TTC39C: variants seen among roughly 807,000 people sequenced by gnomAD.
TTC39C encodes the protein tetratricopeptide repeat domain 39C.
Under a neutral mutation model 76.3 loss-of-function variants are expected in TTC39C, and 33 were observed. That is an observed-to-expected ratio of 0.43 (90% CI 0.33 to 0.58). TTC39C has a LOEUF of 0.58. Among genes scored for constraint, TTC39C ranks in the 20% least tolerant of loss-of-function variants. The pLI is 0.04. For synonymous variants in TTC39C, 254 were observed against 260.6 expected (o/e 0.97, Z 0.24); for missense variants, 595 against 701.4 (o/e 0.85, Z 1.71).
In TTC39C at chr18:24,066,059, T is replaced by C; in HGVS notation, c.264T>C (p.Asp88=). 2 of 1,600,004 alleles carry C rather than the reference T, an allele frequency of 1.3e-6. No homozygotes were observed. Among genetic ancestry groups the C allele is most frequent in the Non-Finnish European group, 1.7e-6 (2 of 1,176,544 alleles). ...AAGAAAAAATGCAGTTGGCATGTGA[T>C]GACTTAAAAACCACAGAAAAACTGT... The part of the protein sequence containing the change: ...FEEEKMQLAC[D]DLKTTEKLCE... The change falls in exon 3 of 14, where the codon GAT becomes GAC. Residue 88 remains aspartate (D), a synonymous_variant. Transcript: ENST00000317571.
chr18:24,042,851 G>A (rs996488188), intron 1 of TTC39C, among the ~76,000 whole-genome samples: 6 of 152,056 alleles, frequency 3.9e-5, no homozygotes, highest in Admixed American at 6.6e-5. Flanking sequence ...TTAGGGTCCC[G>A]GGGTTTTTTC....
At chr18:24,031,238 G>A (rs374750593) in intron 1 of TTC39C, among the ~76,000 whole-genome samples, 2 of 149,738 alleles carry the variant, frequency 1.3e-5, no homozygotes, top group South Asian at 2.1e-4. Flanking sequence ...GATTACAGGC[G>A]TGAGCCACTG....
intron 1 of TTC39C, chr18:24,022,538 C>T (rs764819211): frequency 3.0e-6 from 3 of 984,942 alleles, no homozygotes; most frequent in Non-Finnish European, 3.6e-6. Flanking sequence ...ACCTCTCTTA[C>T]AGAACTTCTA....
intron 12 of TTC39C, 47 bp from the exon 13 acceptor site, chr18:24,131,835 C>CGT (rs1568449442): frequency 1.4e-5 from 22 of 1,552,914 alleles, no homozygotes; most frequent in Non-Finnish European, 1.8e-5. Flanking sequence ...TTTCTGCCTG[C>CGT]GTATATATAA....
At chr18:24,046,894 G>A (rs2083892387) in intron 1 of TTC39C, among the ~76,000 whole-genome samples, 2 of 151,590 alleles carry the variant, frequency 1.3e-5, no homozygotes, top group East Asian at 1.9e-4. Flanking sequence ...ACATTTAAAC[G>A]TATTTTATTT....
intron 1 of TTC39C, among the ~76,000 whole-genome samples, chr18:24,055,955 A>G (rs2084010721): frequency 6.6e-6 from 1 of 152,230 alleles, no homozygotes; most frequent in Non-Finnish European, 1.5e-5. Context: ...AAGATGAAAT[A>G]CCAAACCAGT....
intron 1 of TTC39C, among the ~76,000 whole-genome samples, chr18:23,995,583 T>C (rs1353286454): frequency 6.6e-6 from 1 of 152,206 alleles, no homozygotes; most frequent in Non-Finnish European, 1.5e-5. Flanking sequence ...AGTTCATTCC[T>C]TTTTATTGCT....
chr18:24,113,126 G>A (rs2084837650), intron 6 of TTC39C, among the ~76,000 whole-genome samples: 1 of 152,160 alleles, frequency 6.6e-6, no homozygotes, highest in African/African-American at 2.4e-5. Flanking sequence ...TGTCTTCTGT[G>A]GCTACCTGGT....
At chr18:24,083,432 T>C (rs994962807) in intron 6 of TTC39C, among the ~76,000 whole-genome samples, 3 of 152,226 alleles carry the variant, frequency 2.0e-5, no homozygotes, top group African/African-American at 7.2e-5. Context: ...AATCTCTTTC[T>C]AAACTTTGAT....
At chr18:24,115,691 TTG>T (rs1277782395) in intron 7 of TTC39C, among the ~76,000 whole-genome samples, 1 of 152,234 alleles carries the variant, frequency 6.6e-6, no homozygotes, top group African/African-American at 2.4e-5. Flanking sequence ...GTGGACACAA[TTG>T]TCTTCCTGAA....
chr18:24,021,250 G>C (rs1417598167), intron 1 of TTC39C, among the ~76,000 whole-genome samples: 1 of 152,148 alleles, frequency 6.6e-6, no homozygotes, highest in Non-Finnish European at 1.5e-5. Context: ...AGGTGGGGTA[G>C]GGAAGAACTG....
intron 4 of TTC39C, among the ~76,000 whole-genome samples, chr18:24,073,138 A>G (rs1007891217): frequency 1.3e-5 from 2 of 152,174 alleles, no homozygotes; most frequent in African/African-American, 4.8e-5. Context: ...ACCCTGGGGA[A>G]CTAGCCCTGG....
chr18:24,007,048 T>C (rs56339883), intron 1 of TTC39C, among the ~76,000 whole-genome samples: 10,056 of 152,264 alleles, frequency 0.066, 644 homozygotes, highest in Admixed American at 0.17. Flanking sequence ...TACTTGCAGA[T>C]AGAAAACTTT....
chr18:24,029,582 C>T (rs8095666), intron 1 of TTC39C, among the ~76,000 whole-genome samples: 143,729 of 152,218 alleles, frequency 0.94, 68,253 homozygotes, highest in East Asian at 1. Flanking sequence ...AGTGGTGATT[C>T]CTGAGATTTT....
At chr18:24,123,390 TTTGTTTGTTTG>T (rs2085001367) in intron 8 of TTC39C, among the ~76,000 whole-genome samples, 1 of 25,710 alleles carries the variant, frequency 3.9e-5, no homozygotes, top group Admixed American at 1.0e-3. Flanking sequence ...CTTTTTTTTG[TTTGTTTGTTTG>T]TTTGTTTGTT....
At chr18:24,111,902 TA>T (rs2084817264) in intron 6 of TTC39C, among the ~76,000 whole-genome samples, 1 of 72,102 alleles carries the variant, frequency 1.4e-5, no homozygotes, top group African/African-American at 3.5e-5. Flanking sequence ...ACCCTATCTT[TA>T]AAAATATATA....
chr18:24,078,853 T>C (rs2145755452), intron 4 of TTC39C, among the ~76,000 whole-genome samples: 1 of 152,302 alleles, frequency 6.6e-6, no homozygotes, highest in East Asian at 1.9e-4. Context: ...GTCCTGGAAA[T>C]GGTAAGAACT....
At chr18:24,042,081 G>A (rs1422976521) in intron 1 of TTC39C, among the ~76,000 whole-genome samples, 1 of 152,100 alleles carries the variant, frequency 6.6e-6, no homozygotes, top group Admixed American at 6.5e-5. Flanking sequence ...CGATTTTTAA[G>A]TTTTGAAGTC....
chr18:24,010,990 T>C (rs571271050), upstream of TTC39C, among the ~76,000 whole-genome samples: 10 of 152,292 alleles, frequency 6.6e-5, no homozygotes, highest in South Asian at 2.1e-4. Flanking sequence ...GAAGGCTGCA[T>C]TGAGCCATGA....
Sources: gnomAD v4.1 joint callset for allele counts (sites outside exome capture counted in the v4.1 genomes callset) on GRCh38, gnomAD v4.1.1 for gene constraint, MANE v1.5 for transcripts, NCBI Gene and HGNC (gene_info 2026-07-23, HGNC 2026-07-21) for gene names.